Variants in CCDC198 observed in about 807,000 individuals in gnomAD.
CCDC198 encodes coiled-coil domain containing 198.
A neutral mutation model predicts 35.6 loss-of-function variants in CCDC198; 18 were observed. The observed-to-expected ratio is 0.51, with a 90% confidence interval of 0.35 to 0.75. The LOEUF (loss-of-function observed/expected upper bound fraction) is 0.75. Ranked by LOEUF, CCDC198 falls within the 30% of genes least tolerant of loss-of-function variation. The pLI is 0.01. For synonymous variants in CCDC198, 119 were observed against 113.4 expected (o/e 1.05, Z -0.31); for missense variants, 365 against 343.7 (o/e 1.06, Z -0.49).
intron 5 of CCDC198, chr14:57,475,706 T>C: frequency 2.5e-6 from 1 of 397,854 alleles, no homozygotes; most frequent in Non-Finnish European, 4.9e-6. Flanking sequence ...AAACTCTGTC[T>C]TAAAAAAAAA....
chr14:57,484,799 G>A (rs1237069673), intron 2 of CCDC198, among the ~76,000 whole-genome samples: 1 of 152,172 alleles, frequency 6.6e-6, no homozygotes, highest in Non-Finnish European at 1.5e-5. Context: ...ACTGACATGC[G>A]TTAAGCAAAG....
At chr14:57,489,110 C>T (rs1054093406) in intron 2 of CCDC198, among the ~76,000 whole-genome samples, 5 of 152,106 alleles carry the variant, frequency 3.3e-5, no homozygotes, top group Non-Finnish European at 7.4e-5. Flanking sequence ...ATAGCAAAGA[C>T]ATGGAATCAA....
intron 5 of CCDC198, among the ~76,000 whole-genome samples, chr14:57,474,290 A>T (rs1199673027): frequency 6.6e-6 from 1 of 152,198 alleles, no homozygotes; most frequent in African/African-American, 2.4e-5. Context: ...TAGGACCTAA[A>T]AAAGGCCCCA....
chr14:57,491,386 G>A (rs1451890637), intron 1 of CCDC198, among the ~76,000 whole-genome samples: 1 of 151,806 alleles, frequency 6.6e-6, no homozygotes, highest in Non-Finnish European at 1.5e-5. Flanking sequence ...AATTTGGCCT[G>A]GAAAATAGAA....
intron 3 of CCDC198, among the ~76,000 whole-genome samples, chr14:57,482,793 T>C (rs555340465): frequency 4.3e-4 from 66 of 152,312 alleles, no homozygotes; most frequent in African/African-American, 1.5e-3. Flanking sequence ...TAAGTAAAAG[T>C]CTTTTCTCAT....
Position 57,469,715 on chromosome 14 carries a change from G to T in CCDC198, c.*1640C>A, listed in dbSNP as rs754078218. On this transcript the variant is annotated 3_prime_UTR_variant, in exon 6 of 6. Coordinates refer to ENST00000216445, the MANE Select transcript of CCDC198 (RefSeq NM_018168.4). ...GTAAGAAGACTACTCACAAAGAACT[G>T]GGAATAGATATGGCCTGGGACAATC... The T allele has an allele frequency of 1.3e-5, 2 of 152,170 alleles. No individual in the cohort carries two copies. Among genetic ancestry groups the T allele is most frequent in the Non-Finnish European group, 2.9e-5 (2 of 68,032 alleles). 9.4% of individuals were successfully genotyped at this position (152,170 alleles called of 1,614,324 possible). A position where few individuals can be genotyped will look rare whatever the true frequency, so the allele number is the denominator to read the frequency against.
chr14:57,486,025 G>T (rs2067346657), intron 2 of CCDC198, among the ~76,000 whole-genome samples: 1 of 152,126 alleles, frequency 6.6e-6, no homozygotes, highest in Non-Finnish European at 1.5e-5. Flanking sequence ...TTCTGATCAA[G>T]TCAGAACCCT....
intron 4 of CCDC198, 99 bp from the exon 5 acceptor site, chr14:57,480,853 G>T: frequency 2.5e-6 from 3 of 1,194,272 alleles, no homozygotes; most frequent in Non-Finnish European, 3.6e-6. Context: ...GTGCTTATCT[G>T]TAGACATCTG....
chr14:57,485,865 G>C (rs539985452), intron 2 of CCDC198, among the ~76,000 whole-genome samples: 2 of 152,216 alleles, frequency 1.3e-5, no homozygotes, highest in South Asian at 2.1e-4. Flanking sequence ...TCTCACCTCA[G>C]AGGAGGAAGT....
At position 57,483,113 on chromosome 14, in the gene CCDC198, T is replaced by C. The variant is rs749192666; in HGVS notation, c.345A>G (p.Ser115=). 1 of 1,614,102 alleles carries C rather than the reference T, an allele frequency of 6.2e-7. No homozygotes were observed. The change falls in exon 3 of 6, where the codon TCA becomes TCG. Residue 115 remains serine (S), a synonymous_variant. Transcript: ENST00000216445. ...EPIDLPRVIT[S]GRLLSQREAR... ...CTTCTCGCTGGCTCAGGAGTCTTCC[T>C]GAAGTAATTACTCGTGGCAAGTCAA...
intron 2 of CCDC198, among the ~76,000 whole-genome samples, chr14:57,485,645 C>T (rs553879302): frequency 6.6e-6 from 1 of 152,276 alleles, no homozygotes; most frequent in South Asian, 2.1e-4. Context: ...CTTCCCTGTA[C>T]AACCACTTCT....
chr14:57,483,062 C>T lies in CCDC198; in HGVS notation c.393+3G>A, dbSNP rs2139516435. The T allele has an allele frequency of 1.2e-6, 2 of 1,614,030 alleles. No homozygotes were observed. Among genetic ancestry groups the T allele is most frequent in the Non-Finnish European group, 1.7e-6 (2 of 1,179,962 alleles). ...TCCCTGTCAGGTTACTGCTGCAGCT[C>T]ACCTTTGCTTTGTGCATTGTCCTGG... On this transcript the variant is annotated splice_donor_region_variant and intron_variant, in intron 3 of 5. Transcript: ENST00000216445.
intron 5 of CCDC198, among the ~76,000 whole-genome samples, chr14:57,474,789 A>C (rs1345638951): frequency 3.9e-5 from 6 of 152,224 alleles, no homozygotes; most frequent in African/African-American, 1.4e-4. Context: ...TCCTACTCCA[A>C]AATTAATTTA....
rs1054062253 is a variant in CCDC198 at position 57,491,693 on chromosome 14, A to C, written c.224-622T>G. Reference sequence around the variant, plus strand: ...CTATTAGGAAACAGAGAGGCTCAACAGATCCATTATGGATTTTATTTTCCA... The same window carrying C: ...CTATTAGGAAACAGAGAGGCTCAACCGATCCATTATGGATTTTATTTTCCA... On this transcript the variant is annotated intron_variant, in intron 1 of 5. Transcript: ENST00000216445. Among the ~76,000 whole-genome samples, 5 of 152,248 alleles carry C rather than the reference A, an allele frequency of 3.3e-5. No homozygotes were observed. The South Asian group carries it at 8.3e-4, about 25-fold the overall frequency.
intron 2 of CCDC198, among the ~76,000 whole-genome samples, chr14:57,484,739 G>T (rs923592221): frequency 2.0e-5 from 3 of 152,208 alleles, no homozygotes; most frequent in Admixed American, 1.3e-4. Context: ...AGGTCATGCA[G>T]GGCCTGACAG....
At chr14:57,491,103 A>T (rs2067551533) in intron 1 of CCDC198, 32 bp from the exon 2 acceptor site, 2 of 1,598,208 alleles carry the variant, frequency 1.3e-6, no homozygotes, top group Non-Finnish European at 1.7e-6. Flanking sequence ...CAGGAATAAA[A>T]CATTAAATAT....
At chr14:57,480,348 G>A (rs1399840547) in intron 5 of CCDC198, 5 of 932,114 alleles carry the variant, frequency 5.4e-6, no homozygotes, top group Admixed American at 6.2e-5. Flanking sequence ...TTGCAATGAA[G>A]CATGCAAAGC....
intron 5 of CCDC198, among the ~76,000 whole-genome samples, chr14:57,479,579 T>C (rs1425151301): frequency 6.6e-6 from 1 of 152,226 alleles, no homozygotes; most frequent in African/African-American, 2.4e-5. Context: ...ATTCAGTAGG[T>C]CTGGGGTATG....
chr14:57,480,753 G>A lies in CCDC198; in HGVS notation c.497C>T (p.Ala166Val). 1 of 1,613,512 alleles carries A rather than the reference G, an allele frequency of 6.2e-7. No homozygotes were observed. Among genetic ancestry groups the A allele is most frequent in the Non-Finnish European group, 8.5e-7 (1 of 1,179,818 alleles). ...VLEMIRKRQE[A>V]QMELKKSLHG... ...AAGACTTTTCTTTAACTCCATTTGGGCCTGAAAATCATCAACTATAAATGA... is the reference window on the plus strand; with the variant it reads ...AAGACTTTTCTTTAACTCCATTTGGACCTGAAAATCATCAACTATAAATGA... Residue 166 changes from alanine to valine, a missense_variant and splice_region_variant, in exon 5 of 6, where the codon GCC becomes GTC. Transcript: ENST00000216445.
Sources: allele counts gnomAD v4.1 joint callset (sites outside exome capture counted in the v4.1 genomes callset), GRCh38; gene constraint gnomAD v4.1.1; transcripts MANE v1.5; gene names NCBI Gene and HGNC (gene_info 2026-07-23, HGNC 2026-07-21).